The following PRDM16 variants were observed in gnomAD, a reference collection of about 807,000 sequenced individuals.
The protein encoded by PRDM16 is PR/SET domain 16, also known as histone-lysine N-methyltransferase PRDM16.
Under a neutral mutation model 110.6 loss-of-function variants are expected in PRDM16, and 23 were observed. The ratio of observed to expected loss-of-function variants is 0.21; its 90% CI spans 0.15 to 0.29. The LOEUF (loss-of-function observed/expected upper bound fraction) is 0.29, where lower values mean the gene tolerates loss of function less well. Among genes scored for constraint, PRDM16 ranks in the 10% least tolerant of loss-of-function variants. PRDM16 has a pLI of 1.00. For missense variants in PRDM16, 1,615 were observed against 1,794.3 expected (o/e 0.90, Z 1.81); for synonymous variants, 799 against 781.8 (o/e 1.02, Z -0.37).
chr1:3,200,790 C>T (rs533870719), intron 2 of PRDM16, among the ~76,000 whole-genome samples: 11 of 152,090 alleles, frequency 7.2e-5, no homozygotes, highest in South Asian at 2.1e-4. Flanking sequence ...GGTCATGGGG[C>T]GAGTGTCTCC....
intron 2 of PRDM16, among the ~76,000 whole-genome samples, chr1:3,188,857 G>A (rs956222207): frequency 4.6e-5 from 7 of 152,310 alleles, no homozygotes; most frequent in African/African-American, 1.7e-4. Context: ...GAATTAAGTG[G>A]CAGCCACCTC....
chr1:3,355,264 A>T (rs1642571507), intron 3 of PRDM16, among the ~76,000 whole-genome samples: 3 of 152,130 alleles, frequency 2.0e-5, no homozygotes, highest in African/African-American at 7.2e-5. Flanking sequence ...TACAGAGTGG[A>T]GGCCTCCGGG....
chr1:3,272,629 T>C (rs1640484881), intron 3 of PRDM16, among the ~76,000 whole-genome samples: 1 of 152,192 alleles, frequency 6.6e-6, no homozygotes. Flanking sequence ...GGTCCCCGGG[T>C]AACCTGTGTG....
At chr1:3,162,416 G>C (rs1288890784) in intron 1 of PRDM16, among the ~76,000 whole-genome samples, 2 of 152,200 alleles carry the variant, frequency 1.3e-5, no homozygotes. Flanking sequence ...GTTGAAGATG[G>C]AAAAGCTCAT....
chr1:3,383,631 G>A (rs372409356), intron 3 of PRDM16, among the ~76,000 whole-genome samples: 3 of 152,140 alleles, frequency 2.0e-5, no homozygotes, highest in South Asian at 2.1e-4. Context: ...CCAGGAGAGT[G>A]CATGCCCAGC....
rs138701643 is a variant in PRDM16, at chr1:3,426,645, C to T, written c.3284+420C>T. On this transcript the variant is annotated intron_variant, in intron 14 of 16. Transcript: ENST00000270722. Reference sequence around the variant, plus strand: ...ACACATACACATGTGTACACATGCACGCACACACATGCACACATAGGTATG... The same window carrying T: ...ACACATACACATGTGTACACATGCATGCACACACATGCACACATAGGTATG... Among the ~76,000 whole-genome samples, 1,322 of 152,318 alleles carry T rather than the reference C, an allele frequency of 8.7e-3. 26 individuals are homozygous for T. The highest frequency in any genetic ancestry group is 0.027 in the African/African-American group (1,118 of 41,564).
chr1:3,404,820 C>A lies in PRDM16; in HGVS notation c.966C>A (p.Ser322=). The A allele has an allele frequency of 6.2e-7, 1 of 1,613,626 alleles. No individual in the cohort carries two copies. Among genetic ancestry groups the A allele is most frequent in the East Asian group, 2.2e-5 (1 of 44,878 alleles). ...DQCPKAFNWK[S]NLIRHQMSHD... is the part of the protein sequence containing the mutation. ...GTCCCAAGGCCTTCAACTGGAAGTC[C>A]AACCTCATCCGCCACCAGATGTCCC... Residue 322 remains serine, a synonymous_variant, in exon 7 of 17, where the codon TCC becomes TCA. Coordinates refer to ENST00000270722, the MANE Select transcript of PRDM16 (RefSeq NM_022114.4).
At position 3,402,945 on chromosome 1, in the gene PRDM16, C is replaced by T. The variant is rs1278770328; in HGVS notation, c.831C>T (p.Ser277=). ...AGCCCGAGGGCCTTGGCGGTGGCAG[C>T]GGCCAAGCCCACGAGTGCAAGGACT... ...ELKPEGLGGG[S]GQAHECKDCE... Residue 277 remains serine (S), a synonymous_variant, in exon 6 of 17, where the codon AGC becomes AGT. Transcript: ENST00000270722. The T allele has an allele frequency of 3.1e-6, 5 of 1,612,722 alleles. 1 individual carries two copies. The highest frequency in any genetic ancestry group is 2.2e-5 in the South Asian group (2 of 91,086).
At chr1:3,224,553 G>A (rs893461591) in intron 2 of PRDM16, among the ~76,000 whole-genome samples, 2 of 152,118 alleles carry the variant, frequency 1.3e-5, no homozygotes, top group East Asian at 1.9e-4. Flanking sequence ...ACACGCGCTC[G>A]GGGCTTCGGC....
chr1:3,409,885 G>A (rs1027310939), intron 8 of PRDM16, among the ~76,000 whole-genome samples: 29 of 118,762 alleles, frequency 2.4e-4, no homozygotes, highest in African/African-American at 1.1e-3. Flanking sequence ...GTGTGGTTGT[G>A]TGCATGTGTG....
At position 3,245,373 on chromosome 1, in the gene PRDM16, C is replaced by T. The variant is rs942597903; in HGVS notation, c.438+1236C>T. 2.3e-4 allele frequency among the ~76,000 whole-genome samples: 35 copies of T among 152,218 alleles called. No individual in the cohort carries two copies. Among genetic ancestry groups the T allele is most frequent in the African/African-American group, 8.2e-4 (34 of 41,458 alleles). ...AGGGACAGGGGACCCACCATCTGGG[C>T]AGAGCTATCCGCAAAGCACAGGGGG... is the stretch of plus-strand genomic sequence containing the variant. On this transcript the variant is annotated intron_variant, in intron 3 of 16. Coordinates refer to ENST00000270722, the MANE Select transcript of PRDM16 (RefSeq NM_022114.4). The surrounding 1 kb of genome is among the most constrained non-coding windows in gnomAD (Gnocchi z 4.7).
At chr1:3,266,587 G>A (rs974641782) in intron 3 of PRDM16, among the ~76,000 whole-genome samples, 3 of 152,318 alleles carry the variant, frequency 2.0e-5, no homozygotes, top group Non-Finnish European at 4.4e-5. Context: ...TCTCAGACCC[G>A]CTTGTCTCGC....
chr1:3,397,833 G>C (rs571352066), intron 5 of PRDM16, among the ~76,000 whole-genome samples: 1 of 152,306 alleles, frequency 6.6e-6, no homozygotes, highest in Non-Finnish European at 1.5e-5. Context: ...GGAAGGCTTC[G>C]AGACCAGACA....
chr1:3,187,817 G>GC (rs1016117866), intron 2 of PRDM16, among the ~76,000 whole-genome samples: 1 of 152,112 alleles, frequency 6.6e-6, no homozygotes, highest in Admixed American at 6.5e-5. Context: ...TCAGCTTAAA[G>GC]CCCCCCAGCC....
At chr1:3,111,169 G>T (rs1642783453) in intron 1 of PRDM16, among the ~76,000 whole-genome samples, 1 of 152,146 alleles carries the variant, frequency 6.6e-6, no homozygotes, top group Non-Finnish European at 1.5e-5. Flanking sequence ...CTGGCCTTGG[G>T]CCCTGCTGGC....
At chr1:3,295,998 G>A (rs192188613) in intron 3 of PRDM16, among the ~76,000 whole-genome samples, 1 of 152,254 alleles carries the variant, frequency 6.6e-6, no homozygotes, top group East Asian at 1.9e-4. Context: ...CCTGGGTGGG[G>A]CTGGGCAGGA....
At chr1:3,372,846 G>T (rs192562758) in intron 3 of PRDM16, among the ~76,000 whole-genome samples, 1 of 152,304 alleles carries the variant, frequency 6.6e-6, no homozygotes, top group Admixed American at 6.5e-5. Context: ...TCAGGGCCAC[G>T]GACGGGGTTC....
intron 1 of PRDM16, among the ~76,000 whole-genome samples, chr1:3,141,506 T>G (rs1643548863): frequency 6.6e-6 from 1 of 152,238 alleles, no homozygotes; most frequent in South Asian, 2.1e-4. Flanking sequence ...TAATGGAAAT[T>G]GTCAAATTGA....
chr1:3,076,472 C>A (rs1274210186), intron 1 of PRDM16, among the ~76,000 whole-genome samples: 1 of 152,272 alleles, frequency 6.6e-6, no homozygotes, highest in African/African-American at 2.4e-5. Context: ...TGGTCCCCTG[C>A]GTGGAGTGGC....
Sources: gnomAD v4.1 joint callset for allele counts (sites outside exome capture counted in the v4.1 genomes callset) on GRCh38, gnomAD v4.1.1 for gene constraint, Gnocchi (gnomAD v3.1) non-coding constraint, MANE v1.5 for transcripts, NCBI Gene and HGNC (gene_info 2026-07-23, HGNC 2026-07-21) for gene names.